Variants in LRRC53 observed in about 807,000 individuals in gnomAD.
LRRC53 encodes leucine-rich repeat-containing protein 53.
LRRC53 carries 25 observed loss-of-function variants against 13.6 expected under a neutral mutation model. The observed-to-expected ratio is 1.83, with a 90% confidence interval of 1.34 to 2.56. The LOEUF (loss-of-function observed/expected upper bound fraction) is 2.56. Ranked by LOEUF, LRRC53 falls within the 30% of genes most tolerant of loss-of-function variation. LRRC53 has a pLI of 0.00. For missense variants in LRRC53, 527 were observed against 275.8 expected (o/e 1.91, Z -6.45); for synonymous variants, 204 against 109.8 (o/e 1.86, Z -5.37).
chr1:74,524,514 A>G, the LRRC53 span, among the ~76,000 whole-genome samples: 1 of 152,234 alleles, frequency 6.6e-6, no homozygotes. Context: ...AGGAAAATGC[A>G]TTAGGAAAAA....
intron 1 of LRRC53, among the ~76,000 whole-genome samples, chr1:74,485,152 A>G (rs985500941): frequency 1.3e-5 from 2 of 152,216 alleles, no homozygotes; most frequent in Non-Finnish European, 2.9e-5. Flanking sequence ...ACAAGGAGAA[A>G]CGAAGTAAAT....
In LRRC53 at chr1:74,492,129, GTCTCTC is replaced by G; in HGVS notation, c.-26-8760_-26-8755del. ...CTCCTGCATCAAGTAACAGCAGTGG[GTCTCTC>G]TCACCTTCTTCTTCTTCTGATTGCC... On this transcript the variant is annotated intron_variant, in intron 1 of 4. Transcript: ENST00000294635. The G allele has an allele frequency of 6.2e-7, 1 of 1,611,082 alleles. No individual in the cohort carries two copies. The highest frequency in any genetic ancestry group is 8.5e-7 in the Non-Finnish European group (1 of 1,177,860).
At chr1:74,518,874 CTTTT>C in the LRRC53 span, among the ~76,000 whole-genome samples, 2 of 29,052 alleles carry the variant, frequency 6.9e-5, no homozygotes, top group African/African-American at 3.3e-4. Flanking sequence ...TTTTTTTCCC[CTTTT>C]TTTTTTTTTT....
chr1:74,480,199 G>A lies in LRRC53; in HGVS notation c.858C>T (p.Leu286=). 1 of 717,536 alleles carries A rather than the reference G, an allele frequency of 1.4e-6. No homozygotes were observed. The highest frequency in any genetic ancestry group is 2.7e-5 in the East Asian group (1 of 37,298). 44.4% of individuals were successfully genotyped at this position (717,536 alleles called of 1,614,324 possible). The change falls in exon 3 of 5, where the codon CTC becomes CTT. Residue 286 remains leucine (L), a synonymous_variant. Transcript: ENST00000294635. ...FTLVLKDRSP[L]LPGPDVALLT... is the part of the protein sequence containing the mutation. Reference sequence around the variant, plus strand: ...GCAGGGCCACATCTGGTCCTGGGAGGAGGGGACTTCTGTCCTTTAGAACCA... The same window carrying A: ...GCAGGGCCACATCTGGTCCTGGGAGAAGGGGACTTCTGTCCTTTAGAACCA...
At position 74,480,823 on chromosome 1, in the gene LRRC53, A is replaced by G. The variant is rs929410745; in HGVS notation, c.234T>C (p.His78=). The G allele has an allele frequency of 1.4e-6, 1 of 717,612 alleles. No individual in the cohort carries two copies. Among genetic ancestry groups the G allele is most frequent in the Non-Finnish European group, 2.6e-6 (1 of 385,114 alleles). The allele number at this position is 717,612 out of a possible 1,614,324, so 44.5% of individuals were successfully genotyped here. A position where few individuals can be genotyped will look rare whatever the true frequency, so the allele number is the denominator to read the frequency against. ...GIEDVQEDAL[H]GLTMLRTLLL... ...ACAAGGTCCGCAACATCGTAAGCCC[A>G]TGCAGGGCATCTTCCTGAACATCCT... Residue 78 remains histidine, a synonymous_variant, in exon 3 of 5, where the codon CAT becomes CAC. Coordinates refer to ENST00000294635, the MANE Select transcript of LRRC53 (RefSeq NM_001382280.1).
chr1:74,504,955 C>T (rs537662573), intron 1 of LRRC53, among the ~76,000 whole-genome samples: 2 of 152,306 alleles, frequency 1.3e-5, no homozygotes, highest in African/African-American at 4.8e-5. Context: ...CGGAGGCAAA[C>T]TGCTAAATAA....
the LRRC53 span, among the ~76,000 whole-genome samples, chr1:74,529,330 A>T: frequency 6.6e-6 from 1 of 152,300 alleles, no homozygotes; most frequent in South Asian, 2.1e-4. Context: ...CCCTCCAAAG[A>T]TGCATAATTT....
upstream of LRRC53, among the ~76,000 whole-genome samples, chr1:74,514,640 AG>A (rs986796722): frequency 6.6e-6 from 1 of 152,150 alleles, no homozygotes; most frequent in African/African-American, 2.4e-5. Flanking sequence ...TGAGATAGTA[AG>A]GGGGGAAGCT....
chr1:74,477,313 A>G lies in LRRC53; in HGVS notation c.905-1503T>C, dbSNP rs1668252540. Among the ~76,000 whole-genome samples the G allele has an allele frequency of 2.0e-5, 3 of 152,228 alleles. No individual in the cohort carries two copies. The South Asian group carries it at 6.2e-4, about 32-fold the overall frequency. On this transcript the variant is annotated intron_variant, in intron 3 of 4. Transcript: ENST00000294635. Reference sequence around the variant, plus strand: ...TTTTTCTCCTTTCACAAATGAGGATAACTAATACTACCCAGGGATTAAATA... The same window carrying G: ...TTTTTCTCCTTTCACAAATGAGGATGACTAATACTACCCAGGGATTAAATA...
chr1:74,494,841 T>C (rs1350866042), intron 1 of LRRC53, among the ~76,000 whole-genome samples: 2 of 152,150 alleles, frequency 1.3e-5, no homozygotes, highest in Non-Finnish European at 2.9e-5. Flanking sequence ...CAGTACTTGA[T>C]TGAAAGATGC....
the LRRC53 span, among the ~76,000 whole-genome samples, chr1:74,531,253 G>A: frequency 6.6e-6 from 1 of 152,172 alleles, no homozygotes; most frequent in African/African-American, 2.4e-5. Flanking sequence ...TTTCAATTTA[G>A]GACATTGTCA....
At chr1:74,479,956 C>G (rs1052986421) in intron 3 of LRRC53, among the ~76,000 whole-genome samples, 197 bp downstream of exon 3, 1 of 152,248 alleles carries the variant, frequency 6.6e-6, no homozygotes, top group Admixed American at 6.5e-5. Context: ...GCCCTTTCCT[C>G]TATGTTAGAC....
At chr1:74,473,532 A>T (rs1557589611) in intron 4 of LRRC53, among the ~76,000 whole-genome samples, 2 of 149,434 alleles carry the variant, frequency 1.3e-5, no homozygotes, top group African/African-American at 4.9e-5. Context: ...TTAAAAGGCT[A>T]TTTTTTTTTT....
chr1:74,531,819 G>A, the LRRC53 span, among the ~76,000 whole-genome samples: 10 of 152,278 alleles, frequency 6.6e-5, no homozygotes, highest in Admixed American at 5.2e-4. Flanking sequence ...TGTGCATATG[G>A]CATTGATCCT....
Position 74,470,879 on chromosome 1 carries a change from T to C in LRRC53, c.2743A>G (p.Thr915Ala), listed in dbSNP as rs2100736086. 2.5e-6 allele frequency: 1 copy of C among 400,728 alleles called. No individual in the cohort carries two copies. The highest frequency in any genetic ancestry group is 2.0e-5 in the African/African-American group (1 of 48,814). 24.8% of individuals were successfully genotyped at this position (400,728 alleles called of 1,614,324 possible). The change falls in exon 5 of 5, where the codon ACC becomes GCC. Residue 915 changes from threonine to alanine, a missense_variant. Coordinates refer to ENST00000294635, the MANE Select transcript of LRRC53 (RefSeq NM_001382280.1). ...TEHMGQNVSK[T>A]SELNQFSLSP... Reference sequence around the variant, plus strand: ...AAAGAAAACTGATTTAACTCACTGGTCTTTGATACATTCTGTCCCATGTGC... The same window carrying C: ...AAAGAAAACTGATTTAACTCACTGGCCTTTGATACATTCTGTCCCATGTGC...
At chr1:74,516,372 T>C (rs1646348060), upstream of LRRC53, among the ~76,000 whole-genome samples, 1 of 152,160 alleles carries the variant, frequency 6.6e-6, no homozygotes, top group African/African-American at 2.4e-5. Flanking sequence ...AAATAAGACA[T>C]GGTTTCTGAC....
At position 74,483,299 on chromosome 1, in the gene LRRC53, T is replaced by G; in HGVS notation, c.51A>C (p.Lys17Asn). The G allele has an allele frequency of 1.4e-6, 1 of 717,534 alleles. No individual in the cohort carries two copies. The highest frequency in any genetic ancestry group is 2.6e-6 in the Non-Finnish European group (1 of 385,004). The allele number at this position is 717,534 out of a possible 1,614,324, so 44.4% of individuals were successfully genotyped here. Residue 17 changes from lysine to asparagine, a missense_variant, in exon 2 of 5, where the codon AAA (lysine) becomes AAC (asparagine). Lys to Asn is a moderately conservative substitution (Grantham distance 94). Coordinates refer to ENST00000294635, the MANE Select transcript of LRRC53 (RefSeq NM_001382280.1). ...TTAGCTGGTGACAGAGGGTTACATC[T>G]TTGGTGCACACCACACATGACTCAG... ...ACPESCVVCT[K>N]DVTLCHQLTY...
intron 1 of LRRC53, among the ~76,000 whole-genome samples, chr1:74,501,407 T>A (rs1419459747): frequency 1.8e-4 from 27 of 152,226 alleles, no homozygotes; most frequent in Admixed American, 1.8e-3. Context: ...TTCAAACGAA[T>A]TTTATCTGGA....
chr1:74,505,415 G>T (rs1293887958), intron 1 of LRRC53, among the ~76,000 whole-genome samples: 2 of 152,194 alleles, frequency 1.3e-5, no homozygotes, highest in South Asian at 4.1e-4. Flanking sequence ...CTGTTGCTAT[G>T]TTCGCAGCAA....
Sources: allele counts gnomAD v4.1 joint callset (sites outside exome capture counted in the v4.1 genomes callset), GRCh38; gene constraint gnomAD v4.1.1; transcripts MANE v1.5; gene names NCBI Gene and HGNC (gene_info 2026-07-23, HGNC 2026-07-21).